PALD1: variants seen among roughly 807,000 people sequenced by gnomAD.
PALD1 encodes the protein paladin.
A neutral mutation model predicts 96.0 loss-of-function variants in PALD1; 57 were observed. The ratio of observed to expected loss-of-function variants is 0.59; its 90% CI spans 0.48 to 0.74. The LOEUF is 0.74. Among genes scored for constraint, PALD1 ranks in the 30% least tolerant of loss-of-function variants. PALD1 has a pLI of 0.00. For missense variants in PALD1, 1,063 were observed against 1,143.7 expected (o/e 0.93, Z 1.02); for synonymous variants, 464 against 473.6 (o/e 0.98, Z 0.26).
At chr10:70,523,627 AAGAG>A (rs971328930) in intron 1 of PALD1, among the ~76,000 whole-genome samples, 1 of 152,142 alleles carries the variant, frequency 6.6e-6, no homozygotes, top group African/African-American at 2.4e-5. Context: ...CCTTGCCAAA[AAGAG>A]AGAGAAAGAG....
In PALD1 at chr10:70,567,850, A is replaced by C. The variant is rs566167593; in HGVS notation, c.*1117A>C. The C allele has an allele frequency of 6.6e-6, 1 of 152,380 alleles. No homozygotes were observed. The highest frequency in any genetic ancestry group is 2.4e-5 in the African/African-American group (1 of 41,566). The allele number at this position is 152,380 out of a possible 1,614,324, so 9.4% of individuals were successfully genotyped here. A position where few individuals can be genotyped will look rare whatever the true frequency, so the allele number is the denominator to read the frequency against. ...TGGGAACAGGTGGCAGAGAAGTGCC[A>C]TGTTTGCGTTGAGCCTTGCAGCTCT... On this transcript the variant is annotated 3_prime_UTR_variant, in exon 20 of 20. Coordinates refer to ENST00000263563, the MANE Select transcript of PALD1 (RefSeq NM_014431.3).
chr10:70,490,312 C>G (rs1334512447), intron 1 of PALD1, among the ~76,000 whole-genome samples: 1 of 152,182 alleles, frequency 6.6e-6, no homozygotes, highest in African/African-American at 2.4e-5. Context: ...GCCTCAACCT[C>G]CTGGGCTCAG....
intron 1 of PALD1, among the ~76,000 whole-genome samples, chr10:70,507,761 G>GTGTGTA (rs1391238203): frequency 2.9e-5 from 2 of 67,966 alleles, no homozygotes; most frequent in African/African-American, 8.2e-5. Flanking sequence ...GTGTGTGTGT[G>GTGTGTA]TGTGTGTGTG....
At chr10:70,529,386 C>T in intron 3 of PALD1, 55 bp downstream of exon 3, 1 of 825,812 alleles carries the variant, frequency 1.2e-6, no homozygotes, top group East Asian at 2.6e-5. Context: ...CCCTATCTCT[C>T]ATGAATTCCC....
intron 1 of PALD1, among the ~76,000 whole-genome samples, chr10:70,504,472 G>A (rs556712832): frequency 5.3e-5 from 8 of 152,282 alleles, no homozygotes; most frequent in Admixed American, 3.3e-4. Flanking sequence ...GCAGTGAGCC[G>A]AGATCGTGCC....
chr10:70,554,636 C>T (rs1005315364), intron 18 of PALD1, among the ~76,000 whole-genome samples: 2 of 152,006 alleles, frequency 1.3e-5, no homozygotes, highest in South Asian at 4.2e-4. Flanking sequence ...ATATTTATGA[C>T]AAAAACCAAA....
At chr10:70,487,716 C>A (rs913326413) in intron 1 of PALD1, among the ~76,000 whole-genome samples, 11 of 150,864 alleles carry the variant, frequency 7.3e-5, no homozygotes, top group Non-Finnish European at 1.5e-4. Flanking sequence ...AACAAAAAAA[C>A]AAAAAACAGT....
At chr10:70,519,733 C>T (rs1299318765) in intron 1 of PALD1, among the ~76,000 whole-genome samples, 2 of 152,028 alleles carry the variant, frequency 1.3e-5, no homozygotes, top group African/African-American at 4.8e-5. Context: ...TGCTACCACG[C>T]CGGGCTAATT....
intron 1 of PALD1, among the ~76,000 whole-genome samples, chr10:70,483,638 C>T (rs9664943): frequency 3.3e-5 from 5 of 152,206 alleles, no homozygotes; most frequent in Admixed American, 2.6e-4. Flanking sequence ...GAGCCCCAGG[C>T]CCTTCCTCTC....
intron 10 of PALD1, among the ~76,000 whole-genome samples, chr10:70,535,392 C>G (rs117474659): frequency 3.9e-5 from 4 of 101,702 alleles, no homozygotes; most frequent in South Asian, 3.9e-4. Flanking sequence ...TCTCCTCCCC[C>G]CTCTTTTTCC....
chr10:70,503,817 A>G (rs1278170926), intron 1 of PALD1, among the ~76,000 whole-genome samples: 1 of 152,178 alleles, frequency 6.6e-6, no homozygotes, highest in African/African-American at 2.4e-5. Context: ...TTTTGTGTAG[A>G]AAGTTCTTTT....
the PALD1 span, among the ~76,000 whole-genome samples, chr10:70,468,600 C>G: frequency 6.5e-3 from 988 of 152,218 alleles, 14 homozygotes; most frequent in African/African-American, 0.022. Flanking sequence ...GTGGAGCCCC[C>G]CTTCCCTGCC....
In PALD1 at chr10:70,539,623, C is replaced by G. The variant is rs148689291; in HGVS notation, c.1769C>G (p.Pro590Arg). 20 of 1,612,900 alleles carry G rather than the reference C, an allele frequency of 1.2e-5. No individual in the cohort carries two copies. Among genetic ancestry groups the G allele is most frequent in the Non-Finnish European group, 1.7e-5 (20 of 1,179,528 alleles). The change falls in exon 15 of 20, where the codon CCA becomes CGA. Residue 590 changes from proline to arginine, a missense_variant. Pro to Arg is a moderately radical substitution (Grantham distance 103, BLOSUM62 -2). Coordinates refer to ENST00000263563, the MANE Select transcript of PALD1 (RefSeq NM_014431.3). The surrounding 1 kb of genome is among the most constrained non-coding windows in gnomAD (Gnocchi z 4.5). ...QLKAHLSEPP[P>R]GKEGPLTYRF... is the part of the protein sequence containing the mutation. ...AAGGCCCATCTAAGCGAGCCTCCCCCAGGCAAGGAGGGCCCCCTGACCTAC... is the reference window on the plus strand; with the variant it reads ...AAGGCCCATCTAAGCGAGCCTCCCCGAGGCAAGGAGGGCCCCCTGACCTAC...
At position 70,478,958 on chromosome 10, in the gene PALD1, G is replaced by T. The variant is rs1763513069; in HGVS notation, c.-131G>T. The T allele has an allele frequency of 6.6e-6, 1 of 152,062 alleles. No homozygotes were observed. Among genetic ancestry groups the T allele is most frequent in the South Asian group, 2.1e-4 (1 of 4,840 alleles). The allele number at this position is 152,062 out of a possible 1,614,324, so 9.4% of individuals were successfully genotyped here. On this transcript the variant is annotated 5_prime_UTR_variant, in exon 1 of 20. Coordinates refer to ENST00000263563, the MANE Select transcript of PALD1 (RefSeq NM_014431.3). ...GAGGAGCGAGCTGGAGCCAGAGCGCGCGCCGGGCGCGCCCCGTCGCTGCCT... is the reference window on the plus strand; with the variant it reads ...GAGGAGCGAGCTGGAGCCAGAGCGCTCGCCGGGCGCGCCCCGTCGCTGCCT...
chr10:70,500,029 G>A lies in PALD1; in HGVS notation c.-30+20970G>A, dbSNP rs562275569. 3.3e-5 allele frequency among the ~76,000 whole-genome samples: 5 copies of A among 152,310 alleles called. No individual in the cohort carries two copies. In the South Asian group the frequency reaches 8.3e-4, roughly 25 times the overall value. On this transcript the variant is annotated intron_variant, in intron 1 of 19. Transcript: ENST00000263563. ...TGGCCTCAGAGGTGGGTGTGGGCAT[G>A]GACTTCACTGACAGGTGTTGAAGCA...
chr10:70,505,449 A>T (rs1026850584), intron 1 of PALD1, among the ~76,000 whole-genome samples: 3 of 152,132 alleles, frequency 2.0e-5, no homozygotes, highest in Admixed American at 2.0e-4. Context: ...TAAAAAAAAT[A>T]CAAAATTAGC....
chr10:70,474,849 G>A (rs1456555344), upstream of PALD1, among the ~76,000 whole-genome samples: 1 of 152,196 alleles, frequency 6.6e-6, no homozygotes, highest in African/African-American at 2.4e-5. Context: ...TCAGGTCCCA[G>A]GGCCTGGCAG....
the PALD1 span, among the ~76,000 whole-genome samples, chr10:70,465,223 C>T: frequency 6.6e-6 from 1 of 151,608 alleles, no homozygotes; most frequent in South Asian, 2.1e-4. Flanking sequence ...ATCCGCCCGC[C>T]TCTGCCTCCC....
At chr10:70,475,735 T>C (rs115883849), upstream of PALD1, among the ~76,000 whole-genome samples, 1 of 152,282 alleles carries the variant, frequency 6.6e-6, no homozygotes, top group African/African-American at 2.4e-5. Flanking sequence ...ACAGCTCATG[T>C]TTTTGCCCAG....
Sources: gnomAD v4.1 joint callset for allele counts (sites outside exome capture counted in the v4.1 genomes callset) on GRCh38, gnomAD v4.1.1 for gene constraint, Gnocchi (gnomAD v3.1) non-coding constraint, MANE v1.5 for transcripts, NCBI Gene and HGNC (gene_info 2026-07-23, HGNC 2026-07-21) for gene names.